CELF4: variants seen among roughly 807,000 people sequenced by gnomAD.
CELF4 encodes the protein CUG-BP- and ETR-3-like factor 4.
CELF4 carries 18 observed loss-of-function variants against 59.9 expected under a neutral mutation model. The observed-to-expected ratio is 0.30, with a 90% CI of 0.21 to 0.45. The LOEUF (loss-of-function observed/expected upper bound fraction) is 0.45, where lower values mean the gene tolerates loss of function less well. CELF4 is among the 20% of genes least tolerant of loss of function. The pLI is 1.00. For synonymous variants in CELF4, 261 were observed against 267.1 expected (o/e 0.98, Z 0.22); for missense variants, 456 against 689.0 (o/e 0.66, Z 3.79).
chr18:37,546,955 G>A (rs1310957420), intron 1 of CELF4, among the ~76,000 whole-genome samples: 7 of 152,142 alleles, frequency 4.6e-5, no homozygotes, highest in Admixed American at 4.6e-4. Flanking sequence ...GCTCAAGTCA[G>A]TACTGCGAAA....
At chr18:37,360,151 C>A (rs754419053) in intron 2 of CELF4, among the ~76,000 whole-genome samples, 11 of 152,316 alleles carry the variant, frequency 7.2e-5, no homozygotes, top group African/African-American at 2.4e-4. Context: ...CCATGCCGGG[C>A]ATTTGTTGCC....
chr18:37,549,129 G>T (rs1309452799), intron 1 of CELF4, among the ~76,000 whole-genome samples: 1 of 152,226 alleles, frequency 6.6e-6, no homozygotes, highest in African/African-American at 2.4e-5. Flanking sequence ...AACAGTCTAC[G>T]CTGTTGTGGG....
At chr18:37,502,800 C>A (rs911028647) in intron 1 of CELF4, among the ~76,000 whole-genome samples, 3 of 152,170 alleles carry the variant, frequency 2.0e-5, no homozygotes, top group Non-Finnish European at 4.4e-5. Flanking sequence ...GCCAAGGCCT[C>A]GGTAACATCT....
chr18:37,542,865 G>A (rs923455982), intron 1 of CELF4, among the ~76,000 whole-genome samples: 2 of 152,066 alleles, frequency 1.3e-5, no homozygotes, highest in Non-Finnish European at 2.9e-5. Flanking sequence ...GAAATGCCTT[G>A]CCCCTGACCA....
chr18:37,441,194 G>T (rs1016709743), intron 2 of CELF4, among the ~76,000 whole-genome samples: 3 of 152,088 alleles, frequency 2.0e-5, no homozygotes, highest in Admixed American at 6.5e-5. Context: ...CCTGAAGGAA[G>T]CTCCAGCCAG....
In CELF4 at chr18:37,536,340, G is replaced by A. The variant is rs1304306040; in HGVS notation, c.286+29016C>T. 7.9e-5 allele frequency among the ~76,000 whole-genome samples: 12 copies of A among 152,138 alleles called. No homozygotes were observed. In the East Asian group the frequency reaches 1.2e-3, roughly 15 times the overall value. On this transcript the variant is annotated intron_variant, in intron 1 of 12. Transcript: ENST00000420428. ...AGTCCCAAGGGACAGGTGTTAGGGC[G>A]AATGGTGCATTGGAACCTGAAGGAC...
chr18:37,512,398 C>T (rs1434715620), intron 1 of CELF4, among the ~76,000 whole-genome samples: 1 of 152,082 alleles, frequency 6.6e-6, no homozygotes, highest in Non-Finnish European at 1.5e-5. Context: ...CTTTCTCTTC[C>T]TCCGGTTCCC....
chr18:37,433,710 G>A (rs1035656854), intron 2 of CELF4, among the ~76,000 whole-genome samples: 4 of 152,200 alleles, frequency 2.6e-5, no homozygotes, highest in South Asian at 2.1e-4. Flanking sequence ...GTAAGCAGAC[G>A]GGGAGAAGGT....
chr18:37,429,133 A>C (rs1369802867), intron 2 of CELF4, among the ~76,000 whole-genome samples: 1 of 152,154 alleles, frequency 6.6e-6, no homozygotes. Flanking sequence ...TGCTTACTTT[A>C]TAACAGGGGC....
rs754860016 is a variant in CELF4 at position 37,253,790 on chromosome 18, G to A, written c.*21C>T. On this transcript the variant is annotated 3_prime_UTR_variant, in exon 12 of 13. Transcript: ENST00000420428. The surrounding 1 kb of genome is among the most constrained non-coding windows in gnomAD (Gnocchi z 4.5). ...ACCTGTGCGAGTCCTGGTCTCCCCC[G>A]GGGGACGCTCCCGCCGGCGCTCAGT... The A allele has an allele frequency of 4.4e-6, 7 of 1,573,318 alleles. No individual in the cohort carries two copies. Among genetic ancestry groups the A allele is most frequent in the South Asian group, 1.1e-5 (1 of 88,272 alleles).
chr18:37,442,436 T>C (rs1169263043), intron 2 of CELF4, among the ~76,000 whole-genome samples: 1 of 152,144 alleles, frequency 6.6e-6, no homozygotes, highest in Admixed American at 6.5e-5. Flanking sequence ...GAAGCAGAAA[T>C]GGCCCATTTG....
chr18:37,560,379 AT>A (rs1166345216), intron 1 of CELF4, among the ~76,000 whole-genome samples: 6 of 152,096 alleles, frequency 3.9e-5, no homozygotes, highest in Non-Finnish European at 8.8e-5. Flanking sequence ...ATTTCCCAAT[AT>A]TTTTTCTTTG....
intron 3 of CELF4, among the ~76,000 whole-genome samples, chr18:37,307,119 G>T (rs2096454075): frequency 6.6e-6 from 1 of 152,126 alleles, no homozygotes; most frequent in Admixed American, 6.5e-5. Context: ...GATGGCAGAA[G>T]GGGGCTTGTA....
intron 2 of CELF4, among the ~76,000 whole-genome samples, chr18:37,338,759 CGTGTGT>C (rs60532435): frequency 2.5e-4 from 36 of 145,654 alleles, no homozygotes; most frequent in African/African-American, 7.3e-4. Context: ...ATGCAGGAGC[CGTGTGT>C]GTGTGTGTGT....
intron 1 of CELF4, among the ~76,000 whole-genome samples, chr18:37,551,695 G>A (rs908792275): frequency 1.3e-5 from 2 of 152,190 alleles, no homozygotes; most frequent in African/African-American, 4.8e-5. Context: ...ACATGGCCAC[G>A]GGTTTAAATA....
chr18:37,391,808 G>A (rs2099165050), intron 2 of CELF4, among the ~76,000 whole-genome samples: 1 of 152,240 alleles, frequency 6.6e-6, no homozygotes, highest in Non-Finnish European at 1.5e-5. Flanking sequence ...CAGGACACAA[G>A]AGAGGCACAG....
chr18:37,256,108 C>T (rs1270239837), intron 11 of CELF4, among the ~76,000 whole-genome samples: 2 of 152,218 alleles, frequency 1.3e-5, no homozygotes, highest in Non-Finnish European at 2.9e-5. Flanking sequence ...CACTGTCTCC[C>T]AAGTTCATGG....
chr18:37,266,152 C>T, intron 9 of CELF4: 1 of 366,562 alleles, frequency 2.7e-6, no homozygotes, highest in South Asian at 2.8e-5. Flanking sequence ...TGACTGTGGC[C>T]CATGGTGGGC....
intron 2 of CELF4, among the ~76,000 whole-genome samples, chr18:37,424,304 G>T (rs1034090305): frequency 2.0e-5 from 3 of 152,098 alleles, no homozygotes; most frequent in African/African-American, 7.2e-5. Context: ...GCCAAGGAGA[G>T]GTGGGCTGTC....
Sources: gnomAD v4.1 joint callset for allele counts (sites outside exome capture counted in the v4.1 genomes callset) on GRCh38, gnomAD v4.1.1 for gene constraint, Gnocchi (gnomAD v3.1) non-coding constraint, MANE v1.5 for transcripts, NCBI Gene and HGNC (gene_info 2026-07-23, HGNC 2026-07-21) for gene names.